Variants in CNTN4 observed in about 807,000 individuals in gnomAD.
CNTN4 encodes contactin 4.
A neutral mutation model predicts 122.5 loss-of-function variants in CNTN4; 77 were observed. The ratio of observed to expected loss-of-function variants is 0.63; its 90% CI spans 0.52 to 0.76. The LOEUF is 0.76. Ranked by LOEUF, CNTN4 falls within the 30% of genes least tolerant of loss-of-function variation. CNTN4 has a pLI of 0.00. For missense variants in CNTN4, 1,256 were observed against 1,259.1 expected, an observed-to-expected ratio of 1.00 and a Z score of 0.04; for synonymous variants, 512 against 447.0, an observed-to-expected ratio of 1.15 and a Z score of -1.83.
intron 10 of CNTN4, among the ~76,000 whole-genome samples, chr3:2,898,194 T>C (rs2094135749): frequency 6.6e-6 from 1 of 152,216 alleles, no homozygotes; most frequent in South Asian, 2.1e-4. Context: ...AGATAGACTG[T>C]CTCTCTTTGT....
At chr3:2,555,609 A>C (rs894719449) in intron 3 of CNTN4, among the ~76,000 whole-genome samples, 2 of 152,036 alleles carry the variant, frequency 1.3e-5, no homozygotes, top group Non-Finnish European at 2.9e-5. Context: ...CATCTAAGCT[A>C]CAAATTTGAA....
chr3:2,993,454 C>T (rs554891685), intron 14 of CNTN4, among the ~76,000 whole-genome samples: 4 of 151,712 alleles, frequency 2.6e-5, no homozygotes, highest in East Asian at 3.9e-4. Flanking sequence ...GATGCCACGA[C>T]GCCCAGCTAA....
At chr3:2,848,942 G>A (rs185137975) in intron 7 of CNTN4, among the ~76,000 whole-genome samples, 1 of 152,312 alleles carries the variant, frequency 6.6e-6, no homozygotes, top group African/African-American at 2.4e-5. Context: ...AAGAGTCGGG[G>A]AGAAATGATT....
intron 7 of CNTN4, among the ~76,000 whole-genome samples, chr3:2,862,744 C>T (rs1020186124): frequency 4.6e-5 from 7 of 150,726 alleles, no homozygotes; most frequent in African/African-American, 1.7e-4. Flanking sequence ...CGAGTTGCAG[C>T]ACAGAAAAGT....
intron 8 of CNTN4, among the ~76,000 whole-genome samples, chr3:2,878,732 G>T (rs777335931): frequency 6.6e-6 from 1 of 152,200 alleles, no homozygotes; most frequent in Non-Finnish European, 1.5e-5. Context: ...AGAGCCTGCA[G>T]TGGAAGTTAG....
At chr3:2,394,203 A>G (rs765178217) in intron 3 of CNTN4, among the ~76,000 whole-genome samples, 5 of 152,104 alleles carry the variant, frequency 3.3e-5, no homozygotes, top group Non-Finnish European at 7.4e-5. Context: ...AAAAAGGCAT[A>G]ATAGCATCAA....
At chr3:2,719,655 C>T (rs1302871893) in intron 4 of CNTN4, among the ~76,000 whole-genome samples, 1 of 152,186 alleles carries the variant, frequency 6.6e-6, no homozygotes, top group East Asian at 1.9e-4. Context: ...AACCCCTGAC[C>T]TCAGGCGATC....
rs148281073 is a variant in CNTN4 at position 2,274,962 on chromosome 3, G to A, written c.-144-64216G>A. On this transcript the variant is annotated intron_variant, in intron 2 of 24. Coordinates refer to ENST00000418658, the MANE Select transcript of CNTN4 (RefSeq NM_175607.3). The stretch of plus-strand genomic sequence containing the variant: ...AGGATGAGGAATGGAAGGGTTTGGA[G>A]AGTGAGAATAAATTACTGCAAATCC... Among the ~76,000 whole-genome samples, 1,505 of 152,284 alleles carry A rather than the reference G, an allele frequency of 9.9e-3. 14 individuals carry two copies. Among genetic ancestry groups the A allele is most frequent in the Middle Eastern group, 0.031 (9 of 294 alleles).
intron 3 of CNTN4, among the ~76,000 whole-genome samples, chr3:2,462,792 T>C (rs998455746): frequency 3.9e-5 from 6 of 152,234 alleles, no homozygotes; most frequent in Admixed American, 3.3e-4. Flanking sequence ...GGATTGGGCC[T>C]AAATCCAGTG....
Position 2,587,922 on chromosome 3 carries a change from C to A in CNTN4, c.55+16364C>A, listed in dbSNP as rs917193303. On this transcript the variant is annotated intron_variant, in intron 4 of 24. Transcript: ENST00000418658. ...TTGTGACTTTGATCAAATCACTCTG[C>A]CTCTCAGGATTTCAGACTCTGCACA... is the stretch of plus-strand genomic sequence containing the variant. Among the ~76,000 whole-genome samples the A allele has an allele frequency of 4.6e-5, 7 of 151,994 alleles. No homozygotes were observed. The East Asian group carries it at 5.8e-4, about 13-fold the overall frequency.
chr3:3,048,228 C>G (rs1372255067), intron 23 of CNTN4, among the ~76,000 whole-genome samples: 2 of 138,584 alleles, frequency 1.4e-5, no homozygotes, highest in African/African-American at 2.7e-5. Flanking sequence ...CAAAAATATT[C>G]AGGAAAAAAA....
intron 2 of CNTN4, among the ~76,000 whole-genome samples, chr3:2,286,353 T>C (rs538856571): frequency 6.6e-6 from 1 of 151,500 alleles, no homozygotes. Flanking sequence ...TGAGAAATTC[T>C]CTTTTTTTTA....
intron 3 of CNTN4, among the ~76,000 whole-genome samples, chr3:2,356,371 A>T (rs1389017564): frequency 6.6e-6 from 1 of 152,138 alleles, no homozygotes. Context: ...CAGTAAAGGG[A>T]TGGGCAATTC....
At chr3:2,887,736 C>T (rs755242026) in intron 10 of CNTN4, among the ~76,000 whole-genome samples, 2 of 152,158 alleles carry the variant, frequency 1.3e-5, no homozygotes, top group South Asian at 2.1e-4. Context: ...ACAAATCTCT[C>T]TCACCCCAAA....
At chr3:2,312,700 A>G (rs965428245) in intron 2 of CNTN4, among the ~76,000 whole-genome samples, 10 of 152,148 alleles carry the variant, frequency 6.6e-5, no homozygotes, top group African/African-American at 2.4e-4. Flanking sequence ...AGTATAAAGA[A>G]CACAGCTTTT....
intron 4 of CNTN4, among the ~76,000 whole-genome samples, chr3:2,727,528 A>C (rs1372958243): frequency 2.6e-5 from 4 of 152,224 alleles, no homozygotes; most frequent in Non-Finnish European, 5.9e-5. Flanking sequence ...GTTTAAGATC[A>C]GGGTCAGAGT....
chr3:2,510,732 A>G (rs569533961), intron 3 of CNTN4, among the ~76,000 whole-genome samples: 1 of 152,278 alleles, frequency 6.6e-6, no homozygotes, highest in South Asian at 2.1e-4. Flanking sequence ...TGTTCTGTTT[A>G]AAAATGTTCA....
intron 4 of CNTN4, among the ~76,000 whole-genome samples, chr3:2,716,832 A>G (rs1227984635): frequency 4.6e-5 from 7 of 152,074 alleles, no homozygotes; most frequent in Non-Finnish European, 1.0e-4. Context: ...TTGTGTGTCT[A>G]TGTATTTGCC....
intron 13 of CNTN4, among the ~76,000 whole-genome samples, chr3:2,982,996 C>T (rs947342976): frequency 5.3e-5 from 8 of 151,628 alleles, no homozygotes; most frequent in Non-Finnish European, 1.2e-4. Context: ...GGGCGGATCA[C>T]GAGGTCAGGA....
Sources: gnomAD v4.1 joint callset for allele counts (sites outside exome capture counted in the v4.1 genomes callset) on GRCh38, gnomAD v4.1.1 for gene constraint, MANE v1.5 for transcripts, NCBI Gene and HGNC (gene_info 2026-07-23, HGNC 2026-07-21) for gene names.